POMK: variants seen among roughly 807,000 people sequenced by gnomAD.
POMK encodes the protein protein O-mannose kinase.
Under a neutral mutation model 23.0 loss-of-function variants are expected in POMK, and 19 were observed. That is an observed-to-expected ratio of 0.83 (90% CI 0.58 to 1.21). POMK has a LOEUF of 1.21. Among genes scored for constraint, POMK ranks in the 50% most tolerant of loss-of-function variants. The probability of loss-of-function intolerance (pLI) is 0.00; values close to 1 mark genes in which losing one functional copy is unlikely to be tolerated. For missense variants in POMK, 410 were observed against 431.3 expected, an observed-to-expected ratio of 0.95 and a Z score of 0.44; for synonymous variants, 173 against 171.6, an observed-to-expected ratio of 1.01 and a Z score of -0.06.
chr8:43,120,091 G>A (rs1811882174), intron 4 of POMK, among the ~76,000 whole-genome samples: 1 of 151,848 alleles, frequency 6.6e-6, no homozygotes, highest in African/African-American at 2.4e-5. Flanking sequence ...ACCACATAAA[G>A]ACAACTAAGG....
intron 4 of POMK, 136 bp from the exon 5 acceptor site, chr8:43,121,971 C>T: frequency 1.2e-6 from 1 of 834,222 alleles, no homozygotes; most frequent in South Asian, 1.6e-5. Flanking sequence ...CGGAGAGCAA[C>T]TCTACGATGG....
intron 4 of POMK, among the ~76,000 whole-genome samples, chr8:43,116,043 T>C (rs2130618688): frequency 6.6e-6 from 1 of 152,358 alleles, no homozygotes; most frequent in Non-Finnish European, 1.5e-5. Flanking sequence ...CAGTGAGAAG[T>C]CCTTCAACCC....
chr8:43,103,952 C>T (rs56224218), intron 4 of POMK, 122 bp downstream of exon 4: 1 of 985,036 alleles, frequency 1.0e-6, no homozygotes, highest in Non-Finnish European at 1.5e-6. Context: ...CCAAAGTGTA[C>T]TCCATTGCAT....
intron 2 of POMK, among the ~76,000 whole-genome samples, chr8:43,101,032 A>G (rs983045521): frequency 5.3e-5 from 8 of 152,206 alleles, no homozygotes; most frequent in Admixed American, 3.3e-4. Context: ...CCAGAACAGT[A>G]TGAGCTTGTG....
intron 4 of POMK, among the ~76,000 whole-genome samples, 166 bp from the exon 5 acceptor site, chr8:43,121,941 G>A (rs1586680698): frequency 6.6e-6 from 1 of 152,196 alleles, no homozygotes; most frequent in Non-Finnish European, 1.5e-5. Context: ...TTTGCTCATC[G>A]GTCTCTCTTC....
chr8:43,099,997 C>T (rs958725708), intron 2 of POMK, among the ~76,000 whole-genome samples: 7 of 152,138 alleles, frequency 4.6e-5, no homozygotes, highest in African/African-American at 9.7e-5. Flanking sequence ...CTGCAATAAG[C>T]GAGGCTGCAT....
chr8:43,112,193 T>C (rs1222596325), intron 4 of POMK, among the ~76,000 whole-genome samples: 1 of 152,090 alleles, frequency 6.6e-6, no homozygotes, highest in East Asian at 1.9e-4. Flanking sequence ...AATGGCTAAC[T>C]AGAATAACCA....
chr8:43,107,500 G>C (rs1811567488), intron 4 of POMK, among the ~76,000 whole-genome samples: 1 of 151,442 alleles, frequency 6.6e-6, no homozygotes, highest in South Asian at 2.1e-4. Context: ...TCAGCCTCCT[G>C]AGTAGCTGGG....
chr8:43,113,825 A>G (rs972501239), intron 4 of POMK, among the ~76,000 whole-genome samples: 7 of 152,198 alleles, frequency 4.6e-5, no homozygotes, highest in South Asian at 2.1e-4. Context: ...TTTTCCTTCT[A>G]ACAGACAGGA....
At chr8:43,101,593 G>T (rs1340728062) in intron 2 of POMK, among the ~76,000 whole-genome samples, 2 of 152,132 alleles carry the variant, frequency 1.3e-5, no homozygotes, top group Non-Finnish European at 2.9e-5. Context: ...AGACTACCAG[G>T]TTAACATAGA....
In POMK at chr8:43,099,047, A is replaced by C. The variant is rs529304910; in HGVS notation, c.-118+1432A>C. Among the ~76,000 whole-genome samples the C allele has an allele frequency of 2.5e-3, 383 of 152,326 alleles. 2 individuals are homozygous for C. The highest frequency in any genetic ancestry group is 0.011 in the South Asian group (53 of 4,832). ...CTGCAGCCTTGGTCTCCTGGACTCA[A>C]ATGATCCTCCCACCTCAGCCTCCTG... On this transcript the variant is annotated intron_variant, in intron 2 of 4. Transcript: ENST00000331373.
rs532989591 is a variant in POMK at position 43,113,093 on chromosome 8, A to G, written c.283-9014A>G. Among the ~76,000 whole-genome samples, 4 of 152,326 alleles carry G rather than the reference A, an allele frequency of 2.6e-5. No individual in the cohort carries two copies. In the South Asian group the frequency reaches 8.3e-4, roughly 32 times the overall value. On this transcript the variant is annotated intron_variant, in intron 4 of 4. Coordinates refer to ENST00000331373, the MANE Select transcript of POMK (RefSeq NM_032237.5). ...TGAATCTCACAATTATGTGTCTTGG[A>G]GTTGCTCTTCTCGAGGAGTATCTTT...
At chr8:43,093,774 G>C (rs917491994) in intron 1 of POMK, among the ~76,000 whole-genome samples, 2 of 152,258 alleles carry the variant, frequency 1.3e-5, no homozygotes, top group East Asian at 3.8e-4. Flanking sequence ...ACCCCTGCGC[G>C]GTAGCGGGAC....
chr8:43,113,498 A>G (rs1811725941), intron 4 of POMK, among the ~76,000 whole-genome samples: 1 of 152,112 alleles, frequency 6.6e-6, no homozygotes. Flanking sequence ...TGGTTATTCT[A>G]GTTATACATT....
At position 43,122,893 on chromosome 8, in the gene POMK, A is replaced by G. The variant is rs1420892395; in HGVS notation, c.*16A>G. The G allele has an allele frequency of 3.8e-6, 6 of 1,588,496 alleles. No homozygotes were observed. Among genetic ancestry groups the G allele is most frequent in the African/African-American group, 2.7e-5 (2 of 74,406 alleles). ...GATGCTGTGAAAACCAGTCCAGCCA[A>G]TGAAGGTGGGATTGAAGGGCTGAAT... is the stretch of plus-strand genomic sequence containing the variant. On this transcript the variant is annotated 3_prime_UTR_variant, in exon 5 of 5. Transcript: ENST00000331373.
intron 1 of POMK, among the ~76,000 whole-genome samples, chr8:43,097,102 A>G (rs1811350102): frequency 1.3e-5 from 2 of 152,242 alleles, no homozygotes; most frequent in Admixed American, 1.3e-4. Flanking sequence ...TAGGTAGGTA[A>G]ATAGATAAGA....
intron 2 of POMK, among the ~76,000 whole-genome samples, chr8:43,100,251 T>C (rs1311157113): frequency 6.6e-6 from 1 of 151,978 alleles, no homozygotes. Flanking sequence ...GAGCATGTGG[T>C]GATGAGCCTT....
rs113146164 is a variant in POMK at position 43,116,494 on chromosome 8, C to G, written c.283-5613C>G. On this transcript the variant is annotated intron_variant, in intron 4 of 4. Coordinates refer to ENST00000331373, the MANE Select transcript of POMK (RefSeq NM_032237.5). ...ATGTTGCCCAGGCCGGTCTCGAATTCTGGGCTCAAGTAGTCCTCCTGCCTT... is the reference window on the plus strand; with the variant it reads ...ATGTTGCCCAGGCCGGTCTCGAATTGTGGGCTCAAGTAGTCCTCCTGCCTT... 4.2e-3 allele frequency among the ~76,000 whole-genome samples: 645 copies of G among 152,116 alleles called. 4 individuals are homozygous for G. Among genetic ancestry groups the G allele is most frequent in the African/African-American group, 0.015 (607 of 41,498 alleles).
intron 2 of POMK, among the ~76,000 whole-genome samples, chr8:43,098,940 T>G (rs530453942): frequency 6.6e-6 from 1 of 152,338 alleles, no homozygotes; most frequent in Middle Eastern, 3.4e-3. Context: ...TTTGCCCATT[T>G]TAAAAATTTT....
Sources: gnomAD v4.1 joint callset for allele counts (sites outside exome capture counted in the v4.1 genomes callset) on GRCh38, gnomAD v4.1.1 for gene constraint, MANE v1.5 for transcripts, NCBI Gene and HGNC (gene_info 2026-07-23, HGNC 2026-07-21) for gene names.